The following VAV2 variants were observed in gnomAD, a reference collection of about 807,000 sequenced individuals.
VAV2 encodes vav guanine nucleotide exchange factor 2.
VAV2 carries 67 observed loss-of-function variants against 132.5 expected under a neutral mutation model. The observed-to-expected ratio is 0.51, with a 90% CI of 0.42 to 0.62. VAV2 has a LOEUF of 0.62. Among genes scored for constraint, VAV2 ranks in the 20% least tolerant of loss-of-function variants. The pLI, the probability that VAV2 is intolerant of heterozygous loss-of-function variation, is 0.00. For missense variants in VAV2, 938 were observed against 1,153.6 expected, an observed-to-expected ratio of 0.81 and a Z score of 2.71; for synonymous variants, 492 against 443.5, an observed-to-expected ratio of 1.11 and a Z score of -1.37.
chr9:133,829,301 T>C (rs967422833), intron 4 of VAV2, among the ~76,000 whole-genome samples: 3 of 152,406 alleles, frequency 2.0e-5, no homozygotes, highest in Middle Eastern at 3.4e-3. Flanking sequence ...ATTATTTGAT[T>C]ATGCATTATT....
At chr9:133,861,580 G>T in intron 2 of VAV2, 148 bp from the exon 3 acceptor site, 1 of 837,660 alleles carries the variant, frequency 1.2e-6, no homozygotes. Flanking sequence ...CGTTTTGTAG[G>T]CTAGACACTT....
At chr9:133,858,834 G>C (rs2131860178) in intron 3 of VAV2, among the ~76,000 whole-genome samples, 1 of 152,316 alleles carries the variant, frequency 6.6e-6, no homozygotes, top group South Asian at 2.1e-4. Context: ...CCTCCACTCG[G>C]GTCTCCTGTG....
intron 1 of VAV2, among the ~76,000 whole-genome samples, chr9:133,964,050 C>CACAT (rs1554819053): frequency 4.1e-4 from 35 of 84,878 alleles, no homozygotes; most frequent in East Asian, 1.1e-3. Flanking sequence ...TATATATATA[C>CACAT]ATATATATAC....
intron 4 of VAV2, among the ~76,000 whole-genome samples, chr9:133,831,048 G>C (rs1043586088): frequency 1.3e-5 from 2 of 152,182 alleles, no homozygotes; most frequent in Admixed American, 6.5e-5. Context: ...AAAGCCACAG[G>C]TTCCCCAGAG....
intron 3 of VAV2, among the ~76,000 whole-genome samples, chr9:133,854,715 A>AG (rs1391737981): frequency 1.5e-4 from 23 of 152,368 alleles, no homozygotes; most frequent in Admixed American, 1.2e-3. Context: ...CTCCCCAGGA[A>AG]GGAGTTTAAT....
intron 2 of VAV2, among the ~76,000 whole-genome samples, chr9:133,866,495 C>T (rs527826771): frequency 4.6e-5 from 7 of 152,216 alleles, no homozygotes; most frequent in South Asian, 4.1e-4. Flanking sequence ...GGGGCAACTG[C>T]GCTGCGATGA....
At chr9:133,800,733 G>A (rs949111918) in intron 9 of VAV2, among the ~76,000 whole-genome samples, 2 of 152,302 alleles carry the variant, frequency 1.3e-5, no homozygotes, top group South Asian at 2.1e-4. Flanking sequence ...ACCTTGGCCC[G>A]AGGTTTAGGT....
In VAV2 at chr9:133,802,628, G is replaced by A. The variant is rs1248762124; in HGVS notation, c.836+3453C>T. Among the ~76,000 whole-genome samples the A allele has an allele frequency of 1.3e-5, 2 of 152,132 alleles. No homozygotes were observed. Among genetic ancestry groups the A allele is most frequent in the Admixed American group, 1.3e-4 (2 of 15,276 alleles). On this transcript the variant is annotated intron_variant, in intron 9 of 29. Coordinates refer to ENST00000371850, the MANE Select transcript of VAV2 (RefSeq NM_001134398.2). This position sits in a 1 kb window ranked among gnomAD's most constrained non-coding sequence, Gnocchi z 5.8. ...ACAGACCCGTGGCCCGAGCTCCGTG[G>A]GTATTTGTGTGAGGATCATGTTTTT...
At chr9:133,930,379 T>TGCCTCC (rs1840639250) in intron 2 of VAV2, among the ~76,000 whole-genome samples, 1 of 9,568 alleles carries the variant, frequency 1.0e-4, no homozygotes, top group Non-Finnish European at 6.3e-4. Flanking sequence ...CCCTGCCTCC[T>TGCCTCC]TGCTGCCTCC....
At chr9:133,942,335 T>A (rs2519107) in intron 1 of VAV2, among the ~76,000 whole-genome samples, 102,458 of 152,090 alleles carry the variant, frequency 0.67, 34,726 homozygotes, top group East Asian at 0.8. Flanking sequence ...CTCTCCTCCG[T>A]GGCCCCACGA....
intron 4 of VAV2, among the ~76,000 whole-genome samples, chr9:133,828,339 G>A (rs76694764): frequency 0.083 from 979 of 11,830 alleles, 310 homozygotes; most frequent in Non-Finnish European, 0.12. Context: ...GCGCCCACTG[G>A]GGCTGACCAC....
At chr9:133,800,622 A>G (rs1834893416) in intron 9 of VAV2, among the ~76,000 whole-genome samples, 1 of 152,138 alleles carries the variant, frequency 6.6e-6, no homozygotes, top group African/African-American at 2.4e-5. Context: ...AGGTGGAAAA[A>G]GCTCCCAACT....
rs1833339849 is a variant in VAV2, at chr9:133,763,720, A to G, written c.*342T>C. Reference sequence around the variant, plus strand: ...CTGCTGTTCAAACCTAGGCTCCTGAAGGCCATCTCAGTTGGACAGGGGCAG... The same window carrying G: ...CTGCTGTTCAAACCTAGGCTCCTGAGGGCCATCTCAGTTGGACAGGGGCAG... On this transcript the variant is annotated 3_prime_UTR_variant, in exon 30 of 30. Coordinates refer to ENST00000371850, the MANE Select transcript of VAV2 (RefSeq NM_001134398.2). The surrounding 1 kb of genome is among the most constrained non-coding windows in gnomAD (Gnocchi z 6.8). 1 of 329,572 alleles carries G rather than the reference A, an allele frequency of 3.0e-6. No individual in the cohort carries two copies. The highest frequency in any genetic ancestry group is 2.1e-5 in the African/African-American group (1 of 46,684). 20.4% of individuals were successfully genotyped at this position (329,572 alleles called of 1,614,324 possible). A position where few individuals can be genotyped will look rare whatever the true frequency, so the allele number is the denominator to read the frequency against.
At chr9:133,897,457 A>G (rs1839257408) in intron 2 of VAV2, among the ~76,000 whole-genome samples, 1 of 152,030 alleles carries the variant, frequency 6.6e-6, no homozygotes. Context: ...CCTCCCATTC[A>G]TCACCTGTTA....
intron 3 of VAV2, among the ~76,000 whole-genome samples, chr9:133,858,072 C>T (rs886449088): frequency 6.6e-6 from 1 of 152,218 alleles, no homozygotes; most frequent in Non-Finnish European, 1.5e-5. Context: ...CTCCACATGC[C>T]GAAGACAAGA....
rs982610780 is a variant in VAV2 at position 133,857,807 on chromosome 9, G to A, written c.380+3567C>T. ...AGCGTGTGAACCAGTGGAGGTCTGC[G>A]CTCAACCCCAAGGGCTGCAGAGGGA... On this transcript the variant is annotated intron_variant, in intron 3 of 29. Transcript: ENST00000371850. This position sits in a 1 kb window ranked among gnomAD's most constrained non-coding sequence, Gnocchi z 4.0. Among the ~76,000 whole-genome samples, 11 of 152,104 alleles carry A rather than the reference G, an allele frequency of 7.2e-5. No homozygotes were observed. The highest frequency in any genetic ancestry group is 5.2e-4 in the Admixed American group (8 of 15,282).
At position 133,787,121 on chromosome 9, in the gene VAV2, G is replaced by A. The variant is rs371805419; in HGVS notation, c.1422+125C>T. 44 of 1,100,406 alleles carry A rather than the reference G, an allele frequency of 4.0e-5. No individual in the cohort carries two copies. In the African/African-American group the frequency reaches 4.5e-4, roughly 11 times the overall value. The allele number at this position is 1,100,406 out of a possible 1,614,324, so 68.2% of individuals were successfully genotyped here. Reference sequence around the variant, plus strand: ...ATCATCGGGAAAGGGAGTGGAGGACGAAGGACCAAGAAAACCCTGAGCCCA... The same window carrying A: ...ATCATCGGGAAAGGGAGTGGAGGACAAAGGACCAAGAAAACCCTGAGCCCA... On this transcript the variant is annotated intron_variant, in intron 16 of 29. Coordinates refer to ENST00000371850, the MANE Select transcript of VAV2 (RefSeq NM_001134398.2).
intron 2 of VAV2, among the ~76,000 whole-genome samples, chr9:133,914,712 G>GA (rs1839999540): frequency 9.5e-5 from 2 of 21,058 alleles, no homozygotes; most frequent in Non-Finnish European, 2.1e-4. Flanking sequence ...GGAAGGAGAG[G>GA]GGAGGGATCA....
chr9:133,854,017 C>G (rs148945898), intron 3 of VAV2, among the ~76,000 whole-genome samples: 1 of 152,156 alleles, frequency 6.6e-6, no homozygotes, highest in Admixed American at 6.5e-5. Flanking sequence ...TATACACACA[C>G]GTGTGCACAC....
Sources: gnomAD v4.1 joint callset for allele counts (sites outside exome capture counted in the v4.1 genomes callset) on GRCh38, gnomAD v4.1.1 for gene constraint, Gnocchi (gnomAD v3.1) non-coding constraint, MANE v1.5 for transcripts, NCBI Gene and HGNC (gene_info 2026-07-23, HGNC 2026-07-21) for gene names.